The following SPARC variants were observed in gnomAD, a reference collection of about 807,000 sequenced individuals.
SPARC encodes basement-membrane protein 40.
Under a neutral mutation model 37.7 loss-of-function variants are expected in SPARC, and 23 were observed. The observed-to-expected ratio is 0.61, with a 90% CI of 0.44 to 0.87. The LOEUF (loss-of-function observed/expected upper bound fraction) is 0.87. SPARC is among the 40% of genes least tolerant of loss of function. The probability of loss-of-function intolerance (pLI) is 0.00; values close to 1 mark genes in which losing one functional copy is unlikely to be tolerated. For synonymous variants in SPARC, 155 were observed against 150.8 expected (o/e 1.03, Z -0.20); for missense variants, 312 against 389.0 (o/e 0.80, Z 1.66).
intron 1 of SPARC, chr5:151,677,020 C>T (rs975975611): frequency 2.0e-5 from 3 of 152,228 alleles, no homozygotes; most frequent in African/African-American, 7.2e-5. Flanking sequence ...GGGATGTTAG[C>T]TGAGATCTAG....
intron 6 of SPARC, among the ~76,000 whole-genome samples, chr5:151,668,296 G>T (rs1760674994): frequency 6.6e-6 from 1 of 151,850 alleles, no homozygotes; most frequent in African/African-American, 2.4e-5. Context: ...GGGACTACAG[G>T]CACATGCCAC....
At chr5:151,686,461 C>G (rs988349695) in intron 1 of SPARC, 1 of 152,178 alleles carries the variant, frequency 6.6e-6, no homozygotes, top group African/African-American at 2.4e-5. Context: ...ACTCCGGTTG[C>G]TGGCCAGGTC....
intron 1 of SPARC, among the ~76,000 whole-genome samples, chr5:151,680,886 C>A (rs760020391): frequency 6.6e-6 from 1 of 152,160 alleles, no homozygotes; most frequent in Non-Finnish European, 1.5e-5. Flanking sequence ...AATCTCCATC[C>A]CCCGAAAGAA....
Position 151,663,404 on chromosome 5 carries a change from G to A in SPARC, c.*167C>T, listed in dbSNP as rs1322032933. 1.5e-6 allele frequency: 1 copy of A among 675,822 alleles called. No homozygotes were observed. The highest frequency in any genetic ancestry group is 2.6e-6 in the Non-Finnish European group (1 of 382,294). The allele number at this position is 675,822 out of a possible 1,614,324, so 41.9% of individuals were successfully genotyped here. Reference sequence around the variant, plus strand: ...GTTAAGTTACAGCTAAGAATGTCATGTCTTGGGTTAGAATTTTCATTTTTA... The same window carrying A: ...GTTAAGTTACAGCTAAGAATGTCATATCTTGGGTTAGAATTTTCATTTTTA... On this transcript the variant is annotated 3_prime_UTR_variant, in exon 10 of 10. Transcript: ENST00000231061.
At chr5:151,674,434 G>A (rs1008011176) in intron 3 of SPARC, among the ~76,000 whole-genome samples, 178 bp downstream of exon 3, 1 of 152,166 alleles carries the variant, frequency 6.6e-6, no homozygotes, top group African/African-American at 2.4e-5. Context: ...GAAGGTTTGG[G>A]AAGCATTCAG....
intron 1 of SPARC, among the ~76,000 whole-genome samples, chr5:151,682,502 A>AC (rs1761018863): frequency 6.6e-6 from 1 of 152,020 alleles, no homozygotes; most frequent in South Asian, 2.1e-4. Context: ...GCCTCCACCT[A>AC]CCCCTCCTGC....
chr5:151,683,110 A>AG (rs1761036184), intron 1 of SPARC, among the ~76,000 whole-genome samples: 1 of 140,562 alleles, frequency 7.1e-6, no homozygotes, highest in Non-Finnish European at 1.6e-5. Flanking sequence ...GGAGGGAGGG[A>AG]GGGAGGCATC....
At position 151,667,595 on chromosome 5, in the gene SPARC, G is replaced by T; in HGVS notation, c.457C>A (p.Pro153Thr). The change falls in exon 7 of 10, where the codon CCC becomes ACC. Residue 153 changes from proline to threonine, a missense_variant. Pro to Thr is a conservative substitution (Grantham distance 38). Transcript: ENST00000231061. Reference sequence around the variant, plus strand: ...GTCAGCTCAGAGTCCAGGCAAGGGGGGATGTCTAGGTTCCAAACACAAGGG... The same window carrying T: ...GTCAGCTCAGAGTCCAGGCAAGGGGTGATGTCTAGGTTCCAAACACAAGGG... ...LDYIGPCKYI[P>T]PCLDSELTEF... 1 of 1,614,050 alleles carries T rather than the reference G, an allele frequency of 6.2e-7. No individual in the cohort carries two copies. Among genetic ancestry groups the T allele is most frequent in the African/African-American group, 1.3e-5 (1 of 75,030 alleles).
chr5:151,666,239 A>G (rs1421256273), intron 8 of SPARC, 122 bp downstream of exon 8: 5 of 994,128 alleles, frequency 5.0e-6, no homozygotes, highest in East Asian at 5.1e-5. Flanking sequence ...TTCTGCTCCA[A>G]TCCCCAGGCA....
In SPARC at chr5:151,661,673, A is replaced by G. The variant is rs1402425055; in HGVS notation, c.*1898T>C. ...AAAAGTGCTCTGTAGTCTTATGATGATCTAGAAGAGCACTGTCCAATAGAA... is the reference window on the plus strand; with the variant it reads ...AAAAGTGCTCTGTAGTCTTATGATGGTCTAGAAGAGCACTGTCCAATAGAA... On this transcript the variant is annotated 3_prime_UTR_variant, in exon 10 of 10. Coordinates refer to ENST00000231061, the MANE Select transcript of SPARC (RefSeq NM_003118.4). 1 of 152,186 alleles carries G rather than the reference A, an allele frequency of 6.6e-6. No homozygotes were observed. The highest frequency in any genetic ancestry group is 1.5e-5 in the Non-Finnish European group (1 of 68,032). The allele number at this position is 152,186 out of a possible 1,614,324, so 9.4% of individuals were successfully genotyped here.
At chr5:151,672,869 G>C (rs1334653311) in intron 4 of SPARC, 2 of 490,124 alleles carry the variant, frequency 4.1e-6, no homozygotes, top group African/African-American at 3.9e-5. Flanking sequence ...AGCTATGAGG[G>C]GAGAAGCCCA....
intron 1 of SPARC, among the ~76,000 whole-genome samples, chr5:151,682,539 C>T (rs550318795): frequency 1.9e-4 from 29 of 152,284 alleles, no homozygotes; most frequent in Admixed American, 1.6e-3. Context: ...ACTAATCAAT[C>T]GCTTGACCTC....
Position 151,663,482 on chromosome 5 carries a change from A to T in SPARC, c.*89T>A. On this transcript the variant is annotated 3_prime_UTR_variant, in exon 10 of 10. Transcript: ENST00000231061. ...ATGTTAGCACCTTGTCTCCAGGCAG[A>T]ACAACAAACCATCCAAACATTTTAA... is the stretch of plus-strand genomic sequence containing the variant. 1 of 1,312,104 alleles carries T rather than the reference A, an allele frequency of 7.6e-7. No homozygotes were observed. Among genetic ancestry groups the T allele is most frequent in the South Asian group, 1.2e-5 (1 of 83,000 alleles). 81.3% of individuals were successfully genotyped at this position (1,312,104 alleles called of 1,614,324 possible). A position where few individuals can be genotyped will look rare whatever the true frequency, so the allele number is the denominator to read the frequency against.
chr5:151,674,910 G>A (rs1228258358), intron 2 of SPARC, among the ~76,000 whole-genome samples: 5 of 152,188 alleles, frequency 3.3e-5, no homozygotes, highest in African/African-American at 4.8e-5. Flanking sequence ...TATCCTAGGT[G>A]TCTACCTAAG....
rs2113086147 is a variant in SPARC at position 151,666,484 on chromosome 5, T to C, written c.611A>G (p.Lys204Arg). ...LRVKKIHENE[K>R]RLEAGDHPVE... is the part of the protein sequence containing the mutation. ...GGGGTGGTCTCCTGCCTCCAGGCGC[T>C]TCTCATTCTCATGGATCTTCTTCAC... The change falls in exon 8 of 10, where the codon AAG becomes AGG. Residue 204 changes from lysine (K) to arginine (R), a missense_variant. Physicochemically the swap from Lys to Arg is conservative, Grantham distance 26. Coordinates refer to ENST00000231061, the MANE Select transcript of SPARC (RefSeq NM_003118.4). 1 of 1,614,104 alleles carries C rather than the reference T, an allele frequency of 6.2e-7. No individual in the cohort carries two copies. The highest frequency in any genetic ancestry group is 8.5e-7 in the Non-Finnish European group (1 of 1,179,994).
Position 151,669,806 on chromosome 5 carries a change from C to G in SPARC, c.331-22G>C, listed in dbSNP as rs759963802. On this transcript the variant is annotated intron_variant, in intron 5 of 9. Coordinates refer to ENST00000231061, the MANE Select transcript of SPARC (RefSeq NM_003118.4). Reference sequence around the variant, plus strand: ...ACACCTGTTGGCAAAGCACAGAGTACCCCCTCCTTCATTCCCAAAGCCCTT... The same window carrying G: ...ACACCTGTTGGCAAAGCACAGAGTAGCCCCTCCTTCATTCCCAAAGCCCTT... 2.5e-6 allele frequency: 4 copies of G among 1,613,430 alleles called. No homozygotes were observed. The East Asian group carries it at 6.7e-5, about 27-fold the overall frequency.
At chr5:151,685,422 T>TCACACA (rs3033198) in intron 1 of SPARC, among the ~76,000 whole-genome samples, 1,411 of 140,506 alleles carry the variant, frequency 0.01, 19 homozygotes, top group African/African-American at 0.03. Flanking sequence ...CCTCTCTCTC[T>TCACACA]CACACACACA....
At chr5:151,677,867 G>T (rs1292224816) in intron 1 of SPARC, among the ~76,000 whole-genome samples, 1 of 152,196 alleles carries the variant, frequency 6.6e-6, no homozygotes, top group African/African-American at 2.4e-5. Context: ...TGGGGGTTTG[G>T]TATTGCTTCA....
chr5:151,664,059 C>T, intron 9 of SPARC, 28 bp downstream of exon 9: 1 of 1,613,820 alleles, frequency 6.2e-7, no homozygotes, highest in Non-Finnish European at 8.5e-7. Context: ...TCTGCCCATG[C>T]CCCTTGCTTC....
Sources: allele counts gnomAD v4.1 joint callset (sites outside exome capture counted in the v4.1 genomes callset), GRCh38; gene constraint gnomAD v4.1.1; transcripts MANE v1.5; gene names NCBI Gene and HGNC (gene_info 2026-07-23, HGNC 2026-07-21).